The following PCGF3 variants were observed in gnomAD, a reference collection of about 807,000 sequenced individuals.
PCGF3 encodes the protein polycomb group RING finger protein 3.
In PCGF3, 7 loss-of-function variants were observed where a neutral mutation model predicts 33.1. The observed-to-expected ratio is 0.21, with a 90% confidence interval of 0.12 to 0.40. PCGF3 has a LOEUF of 0.40. Among genes scored for constraint, PCGF3 ranks in the 10% least tolerant of loss-of-function variants. The probability of loss-of-function intolerance (pLI) is 1.00; values close to 1 mark genes in which losing one functional copy is unlikely to be tolerated. For missense variants in PCGF3, 211 were observed against 313.3 expected (o/e 0.67, Z 2.46); for synonymous variants, 153 against 121.3 (o/e 1.26, Z -1.72).
intron 6 of PCGF3, among the ~76,000 whole-genome samples, chr4:741,381 C>T (rs184998774): frequency 6.6e-6 from 1 of 152,330 alleles, no homozygotes; most frequent in East Asian, 1.9e-4. Context: ...GAGCAATGTC[C>T]AGAGACAGTG....
At chr4:744,608 A>G in exon 8 of PCGF3, 1 of 1,557,016 alleles carries the variant, frequency 6.4e-7, no homozygotes, top group Non-Finnish European at 8.7e-7. Context: ...AGGTGAAACC[A>G]AAGCAGACGA....
intron 4 of PCGF3, chr4:734,323 G>A (rs749251095): frequency 4.2e-5 from 60 of 1,443,342 alleles, no homozygotes; most frequent in African/African-American, 5.7e-5. Context: ...CATGGCTGGC[G>A]GCCCTGCTGG....
At chr4:713,174 G>A (rs1326986023) in intron 1 of PCGF3, among the ~76,000 whole-genome samples, 30 of 140,978 alleles carry the variant, frequency 2.1e-4, no homozygotes, top group African/African-American at 5.8e-4. Flanking sequence ...TGGCGTCATG[G>A]GGGCTGTGGC....
At chr4:748,397 A>T (rs2152598550) in intron 8 of PCGF3, among the ~76,000 whole-genome samples, 1 of 152,174 alleles carries the variant, frequency 6.6e-6, no homozygotes, top group South Asian at 2.1e-4. Context: ...ACAGGGTTTC[A>T]CCACGTTGGC....
chr4:756,038 A>G (rs1248623339), intron 8 of PCGF3, among the ~76,000 whole-genome samples: 1 of 149,364 alleles, frequency 6.7e-6, no homozygotes, highest in Non-Finnish European at 1.5e-5. Context: ...TCAGCCTTAC[A>G]GAGTAGCTGG....
At chr4:755,903 C>CTTT (rs1560215661) in intron 8 of PCGF3, among the ~76,000 whole-genome samples, 5 of 120,552 alleles carry the variant, frequency 4.1e-5, no homozygotes, top group African/African-American at 9.5e-5. Flanking sequence ...TCAGAATTGT[C>CTTT]CTTTTTTTTT....
chr4:752,834 G>A (rs1419604530), intron 8 of PCGF3, among the ~76,000 whole-genome samples: 1 of 152,244 alleles, frequency 6.6e-6, no homozygotes, highest in Non-Finnish European at 1.5e-5. Flanking sequence ...TCAGGCCCCT[G>A]TCAGATCCAA....
At chr4:760,522 C>T (rs1344254642) in intron 8 of PCGF3, among the ~76,000 whole-genome samples, 1 of 152,164 alleles carries the variant, frequency 6.6e-6, no homozygotes, top group Non-Finnish European at 1.5e-5. Context: ...CCCTGGTGTC[C>T]TCCCTTTTGT....
At chr4:753,887 C>G (rs187735628) in intron 8 of PCGF3, among the ~76,000 whole-genome samples, 1 of 152,144 alleles carries the variant, frequency 6.6e-6, no homozygotes, top group African/African-American at 2.4e-5. Flanking sequence ...GAGCTGAGAT[C>G]GAGGCACTGC....
chr4:757,846 C>CA (rs1744838681), intron 8 of PCGF3: 1 of 152,144 alleles, frequency 6.6e-6, no homozygotes, highest in Non-Finnish European at 1.5e-5. Flanking sequence ...CTAGTGGTTA[C>CA]AAAATGTATA....
At chr4:744,438 A>G (rs6835343) in intron 7 of PCGF3, among the ~76,000 whole-genome samples, 162 bp from the exon 8 acceptor site, 1,996 of 152,374 alleles carry the variant, frequency 0.013, 46 homozygotes, top group African/African-American at 0.047. Flanking sequence ...AGACCCCTGC[A>G]GACACTTTGC....
intron 6 of PCGF3, among the ~76,000 whole-genome samples, chr4:739,111 T>G (rs4690189): frequency 0.27 from 41,017 of 152,140 alleles, 5,685 homozygotes; most frequent in African/African-American, 0.31. Flanking sequence ...TTGATAATGT[T>G]TAGGAAAATA....
At chr4:730,932 G>T (rs906268798) in intron 2 of PCGF3, 38 bp from the exon 3 acceptor site, 22 of 397,918 alleles carry the variant, frequency 5.5e-5, no homozygotes, top group Non-Finnish European at 8.9e-5. Flanking sequence ...ACACATCCAT[G>T]ACGCGAAGTG....
At chr4:730,213 A>G (rs1193051978) in intron 1 of PCGF3, among the ~76,000 whole-genome samples, 1 of 152,200 alleles carries the variant, frequency 6.6e-6, no homozygotes, top group Non-Finnish European at 1.5e-5. Flanking sequence ...AATTGCGGGC[A>G]TCTCTTGGCT....
At chr4:734,067 C>T (rs1743733812) in intron 4 of PCGF3, 8 of 1,550,750 alleles carry the variant, frequency 5.2e-6, no homozygotes, top group Non-Finnish European at 7.0e-6. Flanking sequence ...CCAGTAGCCG[C>T]TGTGACAGTG....
Position 724,597 on chromosome 4 carries a change from T to A in PCGF3, c.-189-6033T>A, listed in dbSNP as rs574050284. Among the ~76,000 whole-genome samples, 11 of 152,256 alleles carry A rather than the reference T, an allele frequency of 7.2e-5. No individual in the cohort carries two copies. The East Asian group carries it at 2.1e-3, about 29-fold the overall frequency. On this transcript the variant is annotated intron_variant, in intron 1 of 10. Transcript: ENST00000362003. ...ATCCCAGCACTTTGGGAGGCCTAGG[T>A]GGGCAGATCCTGAGGTCAGGAGTCG... is the stretch of plus-strand genomic sequence containing the variant.
At chr4:768,160 G>T (rs77473948) in exon 11 of PCGF3, 3 of 152,780 alleles carry the variant, frequency 2.0e-5, no homozygotes, top group South Asian at 2.1e-4. Context: ...CGCCCGTGTC[G>T]ATGTCTTCAG....
chr4:732,323 C>T (rs986323101), intron 3 of PCGF3: 1 of 152,390 alleles, frequency 6.6e-6, no homozygotes, highest in African/African-American at 2.5e-5. Flanking sequence ...CCTACCCTCC[C>T]CTCCCCTTCC....
intron 10 of PCGF3, 108 bp from the exon 11 acceptor site, chr4:765,924 T>C (rs1345961425): frequency 6.3e-6 from 6 of 955,820 alleles, no homozygotes; most frequent in African/African-American, 1.6e-5. Flanking sequence ...GCCCTGCATG[T>C]GGACTGTGCC....
Sources: allele counts gnomAD v4.1 joint callset (sites outside exome capture counted in the v4.1 genomes callset), GRCh38; gene constraint gnomAD v4.1.1; transcripts MANE v1.5; gene names NCBI Gene and HGNC (gene_info 2026-07-23, HGNC 2026-07-21).